Variants in DSG1 observed in about 807,000 individuals in gnomAD.
DSG1 encodes desmoglein-1.
A neutral mutation model predicts 97.5 loss-of-function variants in DSG1; 39 were observed. The ratio of observed to expected loss-of-function variants is 0.40; its 90% CI spans 0.31 to 0.52. DSG1 has a LOEUF of 0.52. Among genes scored for constraint, DSG1 ranks in the 20% least tolerant of loss-of-function variants. The pLI is 0.53. For synonymous variants in DSG1, 475 were observed against 443.4 expected, an observed-to-expected ratio of 1.07 and a Z score of -0.90; for missense variants, 1,311 against 1,295.4, an observed-to-expected ratio of 1.01 and a Z score of -0.18.
At chr18:31,344,476 T>C (rs1209170575) in intron 13 of DSG1, among the ~76,000 whole-genome samples, 2 of 152,232 alleles carry the variant, frequency 1.3e-5, no homozygotes, top group Non-Finnish European at 2.9e-5. Flanking sequence ...TAGCTGCTTA[T>C]TATAACAAAG....
At chr18:31,353,309 AG>A (rs1227085259) in intron 14 of DSG1, among the ~76,000 whole-genome samples, 1 of 151,622 alleles carries the variant, frequency 6.6e-6, no homozygotes, top group East Asian at 1.9e-4. Flanking sequence ...GACCCACTTG[AG>A]GAGGCAGTCT....
chr18:31,327,670 C>T (rs925624477), intron 3 of DSG1, among the ~76,000 whole-genome samples: 2 of 152,136 alleles, frequency 1.3e-5, no homozygotes, highest in African/African-American at 4.8e-5. Flanking sequence ...TCTGCTAATA[C>T]ACCCTTCCCA....
At chr18:31,329,393 A>T (rs577178470) in intron 4 of DSG1, among the ~76,000 whole-genome samples, 1 of 152,210 alleles carries the variant, frequency 6.6e-6, no homozygotes, top group Non-Finnish European at 1.5e-5. Flanking sequence ...GCCTGCCTGT[A>T]TTCCTCACAC....
rs148679825 is a variant in DSG1, at chr18:31,331,862, A to G, written c.679A>G (p.Arg227Gly). 1.9e-6 allele frequency: 3 copies of G among 1,611,726 alleles called. No individual in the cohort carries two copies. The highest frequency in any genetic ancestry group is 1.3e-5 in the African/African-American group (1 of 74,828). The change falls in exon 6 of 15, where the codon AGA (arginine) becomes GGA (glycine). Residue 227 changes from arginine to glycine, a missense_variant. Arg to Gly is a moderately radical substitution (Grantham distance 125, BLOSUM62 -2). Coordinates refer to ENST00000257192, the MANE Select transcript of DSG1 (RefSeq NM_001942.4). ...EIRTMNNFLD[R>G]EQYGQYALAV... ...TCGAACGATGAATAATTTTCTAGACAGAGAGGTAATTCTTTTTCTTTAAGT... is the reference window on the plus strand; with the variant it reads ...TCGAACGATGAATAATTTTCTAGACGGAGAGGTAATTCTTTTTCTTTAAGT...
chr18:31,348,473 G>T (rs1484249347), intron 14 of DSG1, among the ~76,000 whole-genome samples: 1 of 150,834 alleles, frequency 6.6e-6, no homozygotes, highest in Non-Finnish European at 1.5e-5. Context: ...TTCTCCTTTG[G>T]GTATATACCC....
intron 14 of DSG1, among the ~76,000 whole-genome samples, chr18:31,348,370 G>T (rs1363041782): frequency 6.6e-6 from 1 of 151,976 alleles, no homozygotes; most frequent in South Asian, 2.1e-4. Flanking sequence ...GTCTACCATA[G>T]ATGGACATTT....
rs764875073 is a variant in DSG1 at position 31,336,371 on chromosome 18, T to G, written c.1023T>G (p.Ala341=). 2.5e-6 allele frequency: 4 copies of G among 1,613,692 alleles called. No homozygotes were observed. Among genetic ancestry groups the G allele is most frequent in the Non-Finnish European group, 3.4e-6 (4 of 1,179,708 alleles). Residue 341 remains alanine, a synonymous_variant, in exon 9 of 15, where the codon GCT becomes GCG. Coordinates refer to ENST00000257192, the MANE Select transcript of DSG1 (RefSeq NM_001942.4). ...TTTTCTAGCCCTTAGATTATGAAGC[T>G]ATGCAGAGTCTGCAACTCAGTATTG... is the stretch of plus-strand genomic sequence containing the variant. The part of the protein sequence containing the change: ...LKVVKPLDYE[A]MQSLQLSIGV...
chr18:31,329,665 A>C (rs563982841), intron 4 of DSG1, among the ~76,000 whole-genome samples: 2 of 151,856 alleles, frequency 1.3e-5, no homozygotes, highest in African/African-American at 2.4e-5. Context: ...ACAAATAATA[A>C]TAGTAATAAT....
At chr18:31,340,276 G>A (rs1265364504) in intron 11 of DSG1, among the ~76,000 whole-genome samples, 1 of 151,786 alleles carries the variant, frequency 6.6e-6, no homozygotes, top group African/African-American at 2.4e-5. Flanking sequence ...TAACAAGCAG[G>A]CTCAAATTGC....
intron 14 of DSG1, among the ~76,000 whole-genome samples, chr18:31,350,451 T>C (rs80183101): frequency 6.8e-6 from 1 of 146,304 alleles, no homozygotes; most frequent in African/African-American, 2.6e-5. Context: ...TGTCTCTGCC[T>C]GGCTTTGGTA....
At chr18:31,323,826 A>G (rs1206329978) in intron 1 of DSG1, among the ~76,000 whole-genome samples, 1 of 151,956 alleles carries the variant, frequency 6.6e-6, no homozygotes, top group Non-Finnish European at 1.5e-5. Flanking sequence ...TTTCCTCAGA[A>G]TTCACTCTGC....
Position 31,326,989 on chromosome 18 carries a change from G to A in DSG1, c.200G>A (p.Arg67Lys), listed in dbSNP as rs2071689680. 1 of 1,613,742 alleles carries A rather than the reference G, an allele frequency of 6.2e-7. No individual in the cohort carries two copies. Reference protein sequence around the residue: ...ACREGEDNSKRNPIAKIHSDC... With the variant: ...ACREGEDNSKKNPIAKIHSDC... ...CGTGAAGGTGAAGACAACTCAAAGA[G>A]GAACCCAATCGCCAAAGTAGGTATC... Residue 67 changes from arginine (R) to lysine (K), a missense_variant, in exon 3 of 15, where the codon AGG becomes AAG. Around this residue, in one of 3 missense-constraint regions of DSG1, gnomAD observed 259 missense variants for 304.1 expected, o/e 0.85. Coordinates refer to ENST00000257192, the MANE Select transcript of DSG1 (RefSeq NM_001942.4).
intron 11 of DSG1, chr18:31,343,246 T>G: frequency 1.5e-6 from 1 of 645,376 alleles, no homozygotes; most frequent in Non-Finnish European, 2.6e-6. Context: ...TAAAATAAAC[T>G]AAAATTGACT....
intron 11 of DSG1, among the ~76,000 whole-genome samples, chr18:31,341,703 TA>T (rs2071789720): frequency 6.6e-6 from 1 of 151,968 alleles, no homozygotes; most frequent in South Asian, 2.1e-4. Context: ...CAAGACAAGA[TA>T]AAGGCAAAAA....
At chr18:31,320,718 T>C (rs2071648197) in intron 1 of DSG1, among the ~76,000 whole-genome samples, 1 of 152,182 alleles carries the variant, frequency 6.6e-6, no homozygotes, top group Non-Finnish European at 1.5e-5. Context: ...GTGTATGGAG[T>C]AGAGAAAGGA....
In DSG1 at chr18:31,357,390, T is replaced by C. The variant is rs2071968563; in HGVS notation, c.*2044T>C. Among the ~76,000 whole-genome samples the C allele has an allele frequency of 6.6e-6, 1 of 152,076 alleles. No individual in the cohort carries two copies. The highest frequency in any genetic ancestry group is 2.4e-5 in the African/African-American group (1 of 41,462). ...AAGTCAAAAGGTATTTATTAAGACATACTTGAGTATGCCTGGGTCCAGGAG... is the reference window on the plus strand; with the variant it reads ...AAGTCAAAAGGTATTTATTAAGACACACTTGAGTATGCCTGGGTCCAGGAG... On this transcript the variant is annotated 3_prime_UTR_variant, in exon 15 of 15. Coordinates refer to ENST00000257192, the MANE Select transcript of DSG1 (RefSeq NM_001942.4).
chr18:31,347,744 G>C (rs1294595593), intron 14 of DSG1: 1 of 152,094 alleles, frequency 6.6e-6, no homozygotes, highest in Non-Finnish European at 1.5e-5. Flanking sequence ...AACAGACCCA[G>C]AGTCAAATTT....
intron 3 of DSG1, among the ~76,000 whole-genome samples, chr18:31,327,642 G>A (rs972841599): frequency 6.6e-6 from 1 of 151,966 alleles, no homozygotes; most frequent in East Asian, 1.9e-4. Context: ...CCATTTATTC[G>A]CGTGGTCTCC....
At chr18:31,346,283 T>C (rs2071835294) in intron 14 of DSG1, 85 bp downstream of exon 14, 12 of 1,136,130 alleles carry the variant, frequency 1.1e-5, no homozygotes, top group Non-Finnish European at 1.5e-5. Flanking sequence ...AAAGGGGCTT[T>C]GGCAGGAGTC....
Sources: allele counts gnomAD v4.1 joint callset (sites outside exome capture counted in the v4.1 genomes callset), GRCh38; gene constraint gnomAD v4.1.1; regional missense constraint gnomAD v4.1.1; transcripts MANE v1.5; gene names NCBI Gene and HGNC (gene_info 2026-07-23, HGNC 2026-07-21).